ROBO2: variants seen among roughly 807,000 people sequenced by gnomAD.
ROBO2 encodes roundabout guidance receptor 2.
Under a neutral mutation model 160.8 loss-of-function variants are expected in ROBO2, and 53 were observed. The ratio of observed to expected loss-of-function variants is 0.33; its 90% CI spans 0.26 to 0.41. The LOEUF is 0.41. Ranked by LOEUF, ROBO2 falls within the 10% of genes least tolerant of loss-of-function variation. The pLI is 1.00. For synonymous variants in ROBO2, 664 were observed against 611.7 expected (o/e 1.09, Z -1.26); for missense variants, 1,577 against 1,722.4 (o/e 0.92, Z 1.49).
At chr3:77,069,486 GAAGAA>G (rs1338900041) in intron 1 of ROBO2, among the ~76,000 whole-genome samples, 4 of 152,120 alleles carry the variant, frequency 2.6e-5, no homozygotes, top group African/African-American at 9.7e-5. Context: ...TTGATTCAAT[GAAGAA>G]AATAAAGAAT....
intron 2 of ROBO2, among the ~76,000 whole-genome samples, chr3:76,276,291 T>C (rs1707915204): frequency 6.6e-6 from 1 of 152,090 alleles, no homozygotes; most frequent in African/African-American, 2.4e-5. Flanking sequence ...TTCTAATATC[T>C]ATCAATGTCC....
intron 6 of ROBO2, among the ~76,000 whole-genome samples, chr3:77,541,148 C>T (rs2092443829): frequency 6.6e-6 from 1 of 152,188 alleles, no homozygotes; most frequent in Non-Finnish European, 1.5e-5. Flanking sequence ...AGTGGCTGAG[C>T]ATGACTGTAT....
chr3:77,511,921 G>A (rs1480502123), intron 5 of ROBO2, among the ~76,000 whole-genome samples: 1 of 151,860 alleles, frequency 6.6e-6, no homozygotes, highest in Non-Finnish European at 1.5e-5. Context: ...TCTTAAAAGG[G>A]TATCCGTCTC....
chr3:77,449,894 G>A (rs1008571339), intron 2 of ROBO2, among the ~76,000 whole-genome samples: 6 of 152,008 alleles, frequency 3.9e-5, no homozygotes, highest in South Asian at 2.1e-4. Flanking sequence ...ACCTTCTTGC[G>A]ATGCACAATG....
chr3:75,993,198 T>C (rs1460025498), intron 2 of ROBO2, among the ~76,000 whole-genome samples: 1 of 152,146 alleles, frequency 6.6e-6, no homozygotes, highest in Non-Finnish European at 1.5e-5. Flanking sequence ...TTATATAGTT[T>C]GGCTGTGATT....
At chr3:77,377,005 C>T (rs2072775674) in intron 2 of ROBO2, among the ~76,000 whole-genome samples, 1 of 152,028 alleles carries the variant, frequency 6.6e-6, no homozygotes, top group South Asian at 2.1e-4. Flanking sequence ...ATTCCTAGGC[C>T]AGGTTTATTT....
chr3:77,399,894 G>A (rs1466807124), intron 2 of ROBO2, among the ~76,000 whole-genome samples: 1 of 152,140 alleles, frequency 6.6e-6, no homozygotes. Flanking sequence ...AGGAGTCATG[G>A]TGATTCCACT....
intron 15 of ROBO2, 143 bp downstream of exon 16, chr3:77,577,757 A>C (rs1020226298): frequency 2.0e-6 from 2 of 1,017,984 alleles, no homozygotes; most frequent in African/African-American, 3.2e-5. Context: ...GTGACAGAGA[A>C]TGAAACAAAT....
chr3:75,993,453 T>A (rs2065629640), intron 2 of ROBO2, among the ~76,000 whole-genome samples: 1 of 152,120 alleles, frequency 6.6e-6, no homozygotes, highest in Non-Finnish European at 1.5e-5. Context: ...ATGTGAGGCC[T>A]CCCCAGCCAT....
At chr3:76,481,580 C>T (rs922250336) in intron 2 of ROBO2, among the ~76,000 whole-genome samples, 4 of 152,102 alleles carry the variant, frequency 2.6e-5, no homozygotes, top group South Asian at 2.1e-4. Context: ...TGTAGCTATG[C>T]GGAAGCAATA....
At chr3:77,287,741 G>A (rs919683968) in intron 2 of ROBO2, among the ~76,000 whole-genome samples, 1 of 152,080 alleles carries the variant, frequency 6.6e-6, no homozygotes, top group Admixed American at 6.6e-5. Flanking sequence ...TCAGATCAGC[G>A]AAGTGCTTTG....
intron 2 of ROBO2, among the ~76,000 whole-genome samples, chr3:77,337,469 T>C (rs1190150890): frequency 6.6e-6 from 1 of 152,130 alleles, no homozygotes; most frequent in African/African-American, 2.4e-5. Flanking sequence ...AATTTGTGTT[T>C]GATCCCTCAA....
At chr3:75,930,734 T>C (rs1248693753) in intron 1 of ROBO2, among the ~76,000 whole-genome samples, 6 of 152,226 alleles carry the variant, frequency 3.9e-5, no homozygotes, top group African/African-American at 1.4e-4. Context: ...TTATAAGTCA[T>C]TTTTGGCCCT....
intron 2 of ROBO2, among the ~76,000 whole-genome samples, chr3:76,826,796 T>A (rs181424896): frequency 6.6e-6 from 1 of 152,336 alleles, no homozygotes; most frequent in Non-Finnish European, 1.5e-5. Context: ...CCCTAAATTA[T>A]AAAAATGATG....
intron 2 of ROBO2, among the ~76,000 whole-genome samples, chr3:76,709,958 G>T (rs1304800736): frequency 1.3e-5 from 2 of 152,046 alleles, no homozygotes; most frequent in Non-Finnish European, 2.9e-5. Flanking sequence ...AGCAAAGGCT[G>T]CAGATCTCAA....
intron 2 of ROBO2, among the ~76,000 whole-genome samples, chr3:76,913,570 C>T (rs992098713): frequency 1.3e-5 from 2 of 151,984 alleles, no homozygotes; most frequent in African/African-American, 4.8e-5. Flanking sequence ...TATTATAAAT[C>T]GAGTTAAAAC....
intron 2 of ROBO2, among the ~76,000 whole-genome samples, chr3:76,136,576 G>T (rs533311394): frequency 1.3e-5 from 2 of 151,976 alleles, no homozygotes; most frequent in East Asian, 1.9e-4. Flanking sequence ...TGCAGAGCAG[G>T]GTGCCTGTCT....
intron 2 of ROBO2, among the ~76,000 whole-genome samples, chr3:77,009,600 A>C (rs534281717): frequency 6.6e-6 from 1 of 152,270 alleles, no homozygotes; most frequent in East Asian, 1.9e-4. Flanking sequence ...AGCCCAAAAT[A>C]CAAAACCATT....
chr3:77,471,924 C>T (rs753507486), intron 2 of ROBO2, among the ~76,000 whole-genome samples: 2 of 152,032 alleles, frequency 1.3e-5, no homozygotes, highest in Non-Finnish European at 2.9e-5. Context: ...GCAGGATGCG[C>T]CAATTTCCCC....
Sources: allele counts gnomAD v4.1 joint callset (sites outside exome capture counted in the v4.1 genomes callset), GRCh38; gene constraint gnomAD v4.1.1; transcripts MANE v1.5; gene names NCBI Gene and HGNC (gene_info 2026-07-23, HGNC 2026-07-21).